Variants in CFAP54 observed in about 807,000 individuals in gnomAD.
CFAP54 encodes the protein cilia and flagella associated protein 54.
CFAP54 carries 290 observed loss-of-function variants against 370.4 expected under a neutral mutation model. The observed-to-expected ratio is 0.78, with a 90% CI of 0.71 to 0.86. The LOEUF is 0.86. Among genes scored for constraint, CFAP54 ranks in the 40% least tolerant of loss-of-function variants. CFAP54 has a pLI of 0.00. For synonymous variants in CFAP54, 1,206 were observed against 1,236.5 expected (o/e 0.98, Z 0.52); for missense variants, 3,399 against 3,528.7 (o/e 0.96, Z 0.93).
In CFAP54 at chr12:96,875,511, GAATT is replaced by G. The variant is rs1960287700; in HGVS notation, c.*413_*416del. 6.6e-6 allele frequency: 1 copy of G among 152,106 alleles called. No homozygotes were observed. Among genetic ancestry groups the G allele is most frequent in the Non-Finnish European group, 1.5e-5 (1 of 68,016 alleles). The allele number at this position is 152,106 out of a possible 1,614,324, so 9.4% of individuals were successfully genotyped here. ...CCCACTCTCTCCTGCGTTTTGAAAA[GAATT>G]AATTCTCAAGTAGATTAAAACTACA... On this transcript the variant is annotated 3_prime_UTR_variant, in exon 68 of 68. Coordinates refer to ENST00000524981, the MANE Select transcript of CFAP54 (RefSeq NM_001306084.2).
intron 15 of CFAP54, among the ~76,000 whole-genome samples, chr12:96,550,012 CTT>C (rs561677985): frequency 6.4e-4 from 98 of 152,286 alleles, no homozygotes; most frequent in Non-Finnish European, 1.1e-3. Context: ...TGAAAGAAAA[CTT>C]ATTTCAAAGT....
chr12:96,654,318 G>C (rs1020711210), intron 36 of CFAP54, among the ~76,000 whole-genome samples: 2 of 152,050 alleles, frequency 1.3e-5, no homozygotes, highest in Non-Finnish European at 2.9e-5. Context: ...TGGCTAACTC[G>C]GTGAAACCCC....
intron 48 of CFAP54, among the ~76,000 whole-genome samples, chr12:96,710,447 T>C (rs1391567681): frequency 5.9e-5 from 9 of 152,052 alleles, no homozygotes; most frequent in African/African-American, 2.2e-4. Flanking sequence ...CCTGGGGGCA[T>C]AGGGGCTGTC....
At chr12:96,801,838 G>A (rs1473161931) in intron 63 of CFAP54, among the ~76,000 whole-genome samples, 1 of 152,184 alleles carries the variant, frequency 6.6e-6, no homozygotes, top group East Asian at 1.9e-4. Context: ...TGCTACAAAC[G>A]TTGTTGTGTG....
intron 13 of CFAP54, 95 bp downstream of exon 13, chr12:96,538,613 C>A: frequency 7.9e-7 from 1 of 1,270,818 alleles, no homozygotes; most frequent in Non-Finnish European, 1.1e-6. Flanking sequence ...CTATTTTTCA[C>A]CTGGTTAATG....
At chr12:96,839,363 C>T (rs1034820697) in intron 66 of CFAP54, among the ~76,000 whole-genome samples, 5 of 152,158 alleles carry the variant, frequency 3.3e-5, no homozygotes, top group East Asian at 1.9e-4. Flanking sequence ...AAGAGCTATC[C>T]GATTTCACTT....
intron 6 of CFAP54, among the ~76,000 whole-genome samples, chr12:96,520,396 TAGTC>T (rs199914475): frequency 0.016 from 2,364 of 152,044 alleles, 74 homozygotes; most frequent in African/African-American, 0.054. Flanking sequence ...ATACAAAAAT[TAGTC>T]AGGCATGGTG....
chr12:96,594,485 T>A (rs749292983), intron 25 of CFAP54, 39 bp downstream of exon 25: 9 of 1,384,786 alleles, frequency 6.5e-6, no homozygotes, highest in Non-Finnish European at 8.6e-6. Flanking sequence ...GGAATCTTTA[T>A]AAAGGCAACT....
At chr12:96,865,730 T>C (rs1218528781) in intron 67 of CFAP54, among the ~76,000 whole-genome samples, 1 of 152,158 alleles carries the variant, frequency 6.6e-6, no homozygotes, top group Non-Finnish European at 1.5e-5. Flanking sequence ...TGTATAGTTA[T>C]TGGCTCGCCT....
At chr12:96,856,689 T>C (rs1041527676) in intron 66 of CFAP54, among the ~76,000 whole-genome samples, 1 of 152,188 alleles carries the variant, frequency 6.6e-6, no homozygotes, top group African/African-American at 2.4e-5. Context: ...CTTCCAAACT[T>C]TCTCACATCT....
At position 96,491,489 on chromosome 12, in the gene CFAP54, G is replaced by A. The variant is rs182987127; in HGVS notation, c.317+1563G>A. ...TGACACTTGATGAATAGCTAAGGGA[G>A]TGTGTGTGTAAATGGAGAAGGGAAG... is the stretch of plus-strand genomic sequence containing the variant. On this transcript the variant is annotated intron_variant, in intron 1 of 67. Coordinates refer to ENST00000524981, the MANE Select transcript of CFAP54 (RefSeq NM_001306084.2). 3.9e-3 allele frequency among the ~76,000 whole-genome samples: 592 copies of A among 152,286 alleles called. 1 individual carries two copies. The highest frequency in any genetic ancestry group is 6.7e-3 in the Non-Finnish European group (456 of 68,032).
chr12:96,622,329 G>GCCCTCCCT (rs1592890137), intron 27 of CFAP54, among the ~76,000 whole-genome samples: 1 of 29,368 alleles, frequency 3.4e-5, no homozygotes, highest in African/African-American at 1.2e-4. Flanking sequence ...CTGCCCGCCC[G>GCCCTCCCT]CCCTCCCTCC....
chr12:96,870,688 TG>T (rs1412196786), intron 67 of CFAP54, among the ~76,000 whole-genome samples: 6 of 152,224 alleles, frequency 3.9e-5, no homozygotes, highest in Non-Finnish European at 5.9e-5. Flanking sequence ...TGGTTTGGTT[TG>T]GTTTTTTTAT....
At position 96,596,398 on chromosome 12, in the gene CFAP54, G is replaced by A. The variant is rs79311026; in HGVS notation, c.3516+1952G>A. On this transcript the variant is annotated intron_variant, in intron 25 of 67. Coordinates refer to ENST00000524981, the MANE Select transcript of CFAP54 (RefSeq NM_001306084.2). ...TTGGAAAAGATCAGTAGAACAGAGGGTAGTTTCCAGAAATAGGCCTCAATA... is the reference window on the plus strand; with the variant it reads ...TTGGAAAAGATCAGTAGAACAGAGGATAGTTTCCAGAAATAGGCCTCAATA... Among the ~76,000 whole-genome samples the A allele has an allele frequency of 4.4e-4, 67 of 152,138 alleles. 4 individuals are homozygous for A. The East Asian group carries it at 0.013, about 29-fold the overall frequency.
chr12:96,706,549 G>A lies in CFAP54; in HGVS notation c.6528+1753G>A, dbSNP rs1368886670. Among the ~76,000 whole-genome samples, 11 of 152,234 alleles carry A rather than the reference G, an allele frequency of 7.2e-5. No individual in the cohort carries two copies. In the East Asian group the frequency reaches 1.9e-3, roughly 27 times the overall value. ...AGCAGTAGGAGATAAGGTCAGAGAG[G>A]TCAAATTGAGAAGGGGTTGTAGGGC... is the stretch of plus-strand genomic sequence containing the variant. On this transcript the variant is annotated intron_variant, in intron 47 of 67. Transcript: ENST00000524981.
intron 25 of CFAP54, among the ~76,000 whole-genome samples, chr12:96,595,710 A>G (rs1260703122): frequency 2.6e-5 from 4 of 152,132 alleles, no homozygotes; most frequent in Non-Finnish European, 4.4e-5. Flanking sequence ...CATAGTTGAC[A>G]GCCTTCTGGG....
chr12:96,859,033 G>A (rs779320811), intron 66 of CFAP54, among the ~76,000 whole-genome samples: 14 of 152,128 alleles, frequency 9.2e-5, no homozygotes, highest in Non-Finnish European at 2.1e-4. Flanking sequence ...AACCACAACA[G>A]CATGGCACTG....
At chr12:96,815,960 T>C (rs2136733210) in intron 64 of CFAP54, among the ~76,000 whole-genome samples, 1 of 152,360 alleles carries the variant, frequency 6.6e-6, no homozygotes, top group South Asian at 2.1e-4. Context: ...TTTGGGTTAC[T>C]GTAGCCTTGT....
Position 96,691,117 on chromosome 12 carries a change from T to G in CFAP54, c.6082-11T>G. On this transcript the variant is annotated splice_polypyrimidine_tract_variant and intron_variant, in intron 43 of 67. Coordinates refer to ENST00000524981, the MANE Select transcript of CFAP54 (RefSeq NM_001306084.2). ...TATAGCTCTTTATATTTCACTTTTT[T>G]TCATTTTCAGGGTTTGCTTAGAACA... The G allele has an allele frequency of 6.2e-7, 1 of 1,610,320 alleles. No individual in the cohort carries two copies. Among genetic ancestry groups the G allele is most frequent in the Admixed American group, 1.7e-5 (1 of 59,104 alleles).
Sources: gnomAD v4.1 joint callset for allele counts (sites outside exome capture counted in the v4.1 genomes callset) on GRCh38, gnomAD v4.1.1 for gene constraint, MANE v1.5 for transcripts, NCBI Gene and HGNC (gene_info 2026-07-23, HGNC 2026-07-21) for gene names.